Variants in DCDC2B observed in about 807,000 individuals in gnomAD.
DCDC2B encodes doublecortin domain containing 2B.
A neutral mutation model predicts 38.9 loss-of-function variants in DCDC2B; 41 were observed. The ratio of observed to expected loss-of-function variants is 1.05; its 90% CI spans 0.82 to 1.37. The LOEUF is 1.37. Ranked by LOEUF, DCDC2B falls within the 40% of genes most tolerant of loss-of-function variation. DCDC2B has a pLI of 0.00. For missense variants in DCDC2B, 453 were observed against 427.2 expected, an observed-to-expected ratio of 1.06 and a Z score of -0.53; for synonymous variants, 181 against 171.9, an observed-to-expected ratio of 1.05 and a Z score of -0.41.
intron 1 of DCDC2B, among the ~76,000 whole-genome samples, chr1:32,210,395 G>A (rs901043794): frequency 5.3e-5 from 8 of 151,474 alleles, no homozygotes; most frequent in Middle Eastern, 3.4e-3. Context: ...CTACTCAGGA[G>A]GCTGAGGCAG....
chr1:32,213,655 CCCA>C (rs979902590), intron 6 of DCDC2B, among the ~76,000 whole-genome samples: 73 of 151,958 alleles, frequency 4.8e-4, no homozygotes, highest in African/African-American at 1.7e-3. Flanking sequence ...ACTACAGGCA[CCCA>C]CCACCATGCC....
At chr1:32,212,892 C>CTT in intron 6 of DCDC2B, 99 bp downstream of exon 6, 1 of 1,382,752 alleles carries the variant, frequency 7.2e-7, no homozygotes, top group Non-Finnish European at 1.0e-6. Context: ...TGCATCCTCT[C>CTT]TTTTTTCTTT....
In DCDC2B at chr1:32,209,117, C is replaced by T; in HGVS notation, c.24C>T (p.Ala8=). The T allele has an allele frequency of 1.2e-6, 2 of 1,613,864 alleles. No individual in the cohort carries two copies. Among genetic ancestry groups the T allele is most frequent in the Non-Finnish European group, 8.5e-7 (1 of 1,179,832 alleles). MAGGSPA[A]KRVVVYRNGD... ...CTATGGCAGGTGGCAGTCCAGCAGC[C>T]AAGAGGGTAGTGGTGTACCGGAATG... Residue 8 remains alanine (A), a synonymous_variant, in exon 1 of 9, where the codon GCC becomes GCT. Transcript: ENST00000409358.
At chr1:32,212,428 C>A in intron 4 of DCDC2B, 62 bp from the exon 5 acceptor site, 1 of 1,596,814 alleles carries the variant, frequency 6.3e-7, no homozygotes, top group African/African-American at 1.3e-5. Context: ...CCCCTTCAGT[C>A]TGCTGAATGT....
chr1:32,215,877 G>GC lies in DCDC2B; in HGVS notation c.1034dup (p.Ala346SerfsTer25), dbSNP rs1236412525. On this transcript the variant is annotated frameshift_variant, in exon 9 of 9. Coordinates refer to ENST00000409358, the MANE Select transcript of DCDC2B (RefSeq NM_001099434.2). LOFTEE classifies it high-confidence loss of function. ...GGCTGGGGCTGCTATCTCAGCCTCA[G>GC]CCCCAGCTCTGCCATCTTGAGAGCC... is the stretch of plus-strand genomic sequence containing the variant. The GC allele has an allele frequency of 1.5e-5, 23 of 1,551,938 alleles. No individual in the cohort carries two copies. The highest frequency in any genetic ancestry group is 2.0e-5 in the Non-Finnish European group (23 of 1,147,270).
rs1236803141 is a variant in DCDC2B, at chr1:32,211,826, C to A, written c.384C>A (p.Pro128=). 6.2e-7 allele frequency: 1 copy of A among 1,608,900 alleles called. No homozygotes were observed. The highest frequency in any genetic ancestry group is 2.2e-5 in the East Asian group (1 of 44,752). The change falls in exon 3 of 9, where the codon CCC becomes CCA. Residue 128 remains proline, a synonymous_variant. Transcript: ENST00000409358. ...GACGGCAGCTGCCTGCAGGTGCTCC[C>A]AGCTATATCCAGTGAGTGCCAGTGT... ...AIGRQLPAGA[P]SYIHVFRNGD...
intron 1 of DCDC2B, among the ~76,000 whole-genome samples, 183 bp from the exon 2 acceptor site, chr1:32,211,089 G>A (rs1643565287): frequency 6.6e-6 from 1 of 152,188 alleles, no homozygotes; most frequent in African/African-American, 2.4e-5. Context: ...GACAGCACTT[G>A]AGCACTCAAG....
Position 32,215,868 on chromosome 1 carries a change from T to C in DCDC2B, c.1021T>C (p.Ser341Pro). The change falls in exon 9 of 9, where the codon TCA (serine) becomes CCA (proline). Residue 341 changes from serine to proline, a missense_variant. Physicochemically the swap from Ser to Pro is moderately conservative, Grantham distance 74 (BLOSUM62 -1). Transcript: ENST00000409358. Reference sequence around the variant, plus strand: ...CCAGCCTGGGGCTGGGGCTGCTATCTCAGCCTCAGCCCCAGCTCTGCCATC... The same window carrying C: ...CCAGCCTGGGGCTGGGGCTGCTATCCCAGCCTCAGCCCCAGCTCTGCCATC... The part of the protein sequence containing the change: ...ENQPGAGAAI[S>P]ASAPALPS 1 of 1,552,132 alleles carries C rather than the reference T, an allele frequency of 6.4e-7. No individual in the cohort carries two copies. Among genetic ancestry groups the C allele is most frequent in the Non-Finnish European group, 8.7e-7 (1 of 1,147,392 alleles).
chr1:32,209,365 T>A lies in DCDC2B; in HGVS notation c.266+6T>A, dbSNP rs758437536. The stretch of plus-strand genomic sequence containing the variant: ...GAACGATTCCACAAGCTCCAGTGAG[T>A]GGGCTGGGGCTGGTCAAACAGCCTA... On this transcript the variant is annotated splice_donor_region_variant and intron_variant, in intron 1 of 8. Transcript: ENST00000409358. 36 of 1,613,494 alleles carry A rather than the reference T, an allele frequency of 2.2e-5. 1 individual carries two copies. The South Asian group carries it at 3.8e-4, about 17-fold the overall frequency.
rs1319755608 is a variant in DCDC2B at position 32,216,031 on chromosome 1, C to T, written c.*134C>T. 3.8e-6 allele frequency: 3 copies of T among 798,464 alleles called. No individual in the cohort carries two copies. Among genetic ancestry groups the T allele is most frequent in the East Asian group, 5.3e-5 (2 of 37,416 alleles). 49.5% of individuals were successfully genotyped at this position (798,464 alleles called of 1,614,324 possible). On this transcript the variant is annotated 3_prime_UTR_variant, in exon 9 of 9. Coordinates refer to ENST00000409358, the MANE Select transcript of DCDC2B (RefSeq NM_001099434.2). Reference sequence around the variant, plus strand: ...GGTACACTGCGGCCTCCTCAGCCCTCCCCGTTCTCCTGCTCCTAAACCCAC... The same window carrying T: ...GGTACACTGCGGCCTCCTCAGCCCTTCCCGTTCTCCTGCTCCTAAACCCAC...
intron 3 of DCDC2B, 38 bp downstream of exon 3, chr1:32,211,875 T>C (rs748905050): frequency 6.3e-7 from 1 of 1,580,858 alleles, no homozygotes; most frequent in South Asian, 1.2e-5. Context: ...TGTTGATGTT[T>C]GTTTTAGTAA....
chr1:32,211,164 A>T, intron 1 of DCDC2B, 108 bp from the exon 2 acceptor site: 1 of 1,006,248 alleles, frequency 9.9e-7, no homozygotes, highest in Non-Finnish European at 1.5e-6. Context: ...CCACTATTCC[A>T]TGGGGAGGGA....
chr1:32,211,947 G>C lies in DCDC2B; in HGVS notation c.395+110G>C. On this transcript the variant is annotated intron_variant, in intron 3 of 8. Transcript: ENST00000409358. ...TCTGGTTACTGTTGGGAATGTAGAA[G>C]TCCAGCATGCTTGATGGGTGAAGAG... 2.0e-6 allele frequency: 3 copies of C among 1,535,936 alleles called. No individual in the cohort carries two copies. The South Asian group carries it at 3.6e-5, about 18-fold the overall frequency.
At chr1:32,211,925 G>C in intron 3 of DCDC2B, 88 bp downstream of exon 3, 1 of 1,541,750 alleles carries the variant, frequency 6.5e-7, no homozygotes, top group Non-Finnish European at 8.8e-7. Context: ...AGGAGCCTCT[G>C]GTTACTGTTG....
At chr1:32,212,888 C>T in intron 6 of DCDC2B, 95 bp downstream of exon 6, 1 of 1,404,748 alleles carries the variant, frequency 7.1e-7, no homozygotes, top group Non-Finnish European at 9.9e-7. Context: ...TCACTGCATC[C>T]TCTCTTTTTT....
At chr1:32,215,237 A>G (rs1258109345) in intron 7 of DCDC2B, 1 of 595,758 alleles carries the variant, frequency 1.7e-6, no homozygotes, top group Non-Finnish European at 2.9e-6. Flanking sequence ...CAGTGCTTAA[A>G]GCGATAAGAC....
intron 1 of DCDC2B, among the ~76,000 whole-genome samples, chr1:32,210,716 T>C (rs1478726746): frequency 2.0e-5 from 3 of 147,926 alleles, no homozygotes; most frequent in Non-Finnish European, 4.5e-5. Flanking sequence ...TCTCTTGACT[T>C]TTTTTTTTTT....
At chr1:32,215,316 G>A (rs1442572730) in intron 7 of DCDC2B, 124 bp from the exon 8 acceptor site, 1 of 789,162 alleles carries the variant, frequency 1.3e-6, no homozygotes, top group Non-Finnish European at 2.0e-6. Context: ...TTGCCATCCT[G>A]GGAGGTGGTG....
At chr1:32,213,931 C>T (rs956815998) in intron 6 of DCDC2B, among the ~76,000 whole-genome samples, 12 of 152,002 alleles carry the variant, frequency 7.9e-5, no homozygotes, top group African/African-American at 2.2e-4. Flanking sequence ...GGATTACAGT[C>T]GTGAGCCACC....
Sources: allele counts gnomAD v4.1 joint callset (sites outside exome capture counted in the v4.1 genomes callset), GRCh38; gene constraint gnomAD v4.1.1; transcripts MANE v1.5; gene names NCBI Gene and HGNC (gene_info 2026-07-23, HGNC 2026-07-21).